Variants in TAOK3 observed in about 807,000 individuals in gnomAD.
The protein encoded by TAOK3 is TAO kinase 3, also known as serine/threonine-protein kinase TAO3.
TAOK3 carries 40 observed loss-of-function variants against 120.4 expected under a neutral mutation model. The ratio of observed to expected loss-of-function variants is 0.33; its 90% CI spans 0.26 to 0.43. The LOEUF is 0.43. TAOK3 is among the 20% of genes least tolerant of loss of function. The pLI, the probability that TAOK3 is intolerant of heterozygous loss-of-function variation, is 1.00. For synonymous variants in TAOK3, 355 were observed against 387.5 expected (o/e 0.92, Z 0.99); for missense variants, 821 against 1,112.1 (o/e 0.74, Z 3.72).
At chr12:118,317,231 A>G (rs1271112218) in intron 1 of TAOK3, among the ~76,000 whole-genome samples, 2 of 130,712 alleles carry the variant, frequency 1.5e-5, no homozygotes, top group East Asian at 5.2e-4. Flanking sequence ...GTGCCACTAC[A>G]CTCTGGCCTG....
At chr12:118,281,801 C>T (rs1468340343) in intron 1 of TAOK3, among the ~76,000 whole-genome samples, 1 of 151,548 alleles carries the variant, frequency 6.6e-6, no homozygotes, top group Non-Finnish European at 1.5e-5. Context: ...AAATTTGTCA[C>T]GTAGTAATAT....
intron 1 of TAOK3, among the ~76,000 whole-genome samples, chr12:118,308,407 T>TA (rs930565000): frequency 5.3e-5 from 8 of 150,330 alleles, no homozygotes; most frequent in African/African-American, 1.2e-4. Context: ...TGCTTTCACT[T>TA]AAAAAAAAAA....
intron 3 of TAOK3, among the ~76,000 whole-genome samples, chr12:118,248,452 C>CATA (rs1353443228): frequency 2.6e-5 from 4 of 151,884 alleles, no homozygotes; most frequent in Non-Finnish European, 5.9e-5. Context: ...ATATGGCAAT[C>CATA]ATAAATAAAA....
chr12:118,202,405 T>C (rs376544539), intron 11 of TAOK3, among the ~76,000 whole-genome samples: 1 of 152,136 alleles, frequency 6.6e-6, no homozygotes, highest in East Asian at 1.9e-4. Context: ...TTGGAACAAA[T>C]TAACATTTTG....
intron 19 of TAOK3, among the ~76,000 whole-genome samples, chr12:118,155,074 C>T (rs2034724289): frequency 6.6e-6 from 1 of 152,094 alleles, no homozygotes; most frequent in South Asian, 2.1e-4. Flanking sequence ...CAGCTCACTG[C>T]AACCTCCGAC....
chr12:118,309,133 AG>A (rs2043168789), intron 1 of TAOK3, among the ~76,000 whole-genome samples: 1 of 151,892 alleles, frequency 6.6e-6, no homozygotes, highest in Non-Finnish European at 1.5e-5. Flanking sequence ...GTTCGAGACC[AG>A]CCTGGCCAAC....
At chr12:118,289,296 C>CAAAAAAAAAAAAAAAA (rs59297201) in intron 1 of TAOK3, among the ~76,000 whole-genome samples, 2 of 78,720 alleles carry the variant, frequency 2.5e-5, no homozygotes, top group African/African-American at 4.9e-5. Context: ...AAGACTGTCT[C>CAAAAAAAAAAAAAAAA]AAAAAAAAAA....
At chr12:118,294,332 C>T (rs2042593647) in intron 1 of TAOK3, among the ~76,000 whole-genome samples, 1 of 152,134 alleles carries the variant, frequency 6.6e-6, no homozygotes, top group East Asian at 1.9e-4. Context: ...AAACACTGAT[C>T]CACTCTCTTT....
intron 1 of TAOK3, among the ~76,000 whole-genome samples, chr12:118,350,869 A>G (rs2045114067): frequency 6.7e-6 from 1 of 148,794 alleles, no homozygotes; most frequent in Non-Finnish European, 1.5e-5. Context: ...TCAAAAAAAA[A>G]AAAAAGAAAA....
intron 14 of TAOK3, among the ~76,000 whole-genome samples, chr12:118,183,072 T>C (rs1229433799): frequency 6.6e-6 from 1 of 152,156 alleles, no homozygotes; most frequent in African/African-American, 2.4e-5. Flanking sequence ...ATTGTAACTT[T>C]AGTCTTGTTC....
At chr12:118,203,572 C>T (rs979571660) in intron 11 of TAOK3, among the ~76,000 whole-genome samples, 10 of 151,764 alleles carry the variant, frequency 6.6e-5, no homozygotes, top group African/African-American at 1.7e-4. Flanking sequence ...GGCATGGTGA[C>T]GTGCATCTGT....
chr12:118,318,936 A>G (rs1035381699), intron 1 of TAOK3, among the ~76,000 whole-genome samples: 3 of 152,240 alleles, frequency 2.0e-5, no homozygotes, highest in African/African-American at 7.2e-5. Context: ...ATGGATGAAC[A>G]TAGAGAACAT....
intron 1 of TAOK3, among the ~76,000 whole-genome samples, chr12:118,273,304 C>T (rs2041785218): frequency 6.6e-6 from 1 of 151,126 alleles, no homozygotes; most frequent in Non-Finnish European, 1.5e-5. Flanking sequence ...AGATCCAGAC[C>T]ATCCTCGCTA....
chr12:118,371,095 A>T lies in TAOK3; in HGVS notation c.-194+1553T>A, dbSNP rs1262452925. On this transcript the variant is annotated intron_variant, in intron 1 of 20. Transcript: ENST00000392533. This position sits in a 1 kb window ranked among gnomAD's most constrained non-coding sequence, Gnocchi z 5.5. Reference sequence around the variant, plus strand: ...GTTCCTTTAAATCTGCATTGTAAACATTGATACTGATATGCTGCCAAATCT... The same window carrying T: ...GTTCCTTTAAATCTGCATTGTAAACTTTGATACTGATATGCTGCCAAATCT... Among the ~76,000 whole-genome samples, 1 of 152,248 alleles carries T rather than the reference A, an allele frequency of 6.6e-6. No homozygotes were observed. The highest frequency in any genetic ancestry group is 1.5e-5 in the Non-Finnish European group (1 of 68,044).
At chr12:118,156,133 C>T (rs945222866) in intron 19 of TAOK3, among the ~76,000 whole-genome samples, 6 of 152,158 alleles carry the variant, frequency 3.9e-5, no homozygotes, top group African/African-American at 1.2e-4. Context: ...CTATCAACCT[C>T]CATGTGTCTA....
At chr12:118,221,410 G>A (rs976299574) in intron 9 of TAOK3, among the ~76,000 whole-genome samples, 8 of 151,946 alleles carry the variant, frequency 5.3e-5, no homozygotes, top group Admixed American at 4.6e-4. Context: ...TTTTAGTAGA[G>A]ATAGGGTTTC....
chr12:118,196,004 C>G (rs1236242587), intron 13 of TAOK3, among the ~76,000 whole-genome samples: 1 of 151,690 alleles, frequency 6.6e-6, no homozygotes, highest in African/African-American at 2.4e-5. Flanking sequence ...GAACTGAGAT[C>G]GCGCCACTGC....
At chr12:118,279,315 T>C (rs2042010455) in intron 1 of TAOK3, among the ~76,000 whole-genome samples, 2 of 152,210 alleles carry the variant, frequency 1.3e-5, no homozygotes, top group Admixed American at 6.5e-5. Flanking sequence ...ATTCTGGATA[T>C]TATTAATAGA....
chr12:118,345,569 T>G (rs2044820537), intron 1 of TAOK3, among the ~76,000 whole-genome samples: 1 of 152,038 alleles, frequency 6.6e-6, no homozygotes. Flanking sequence ...CCCTGGCTGC[T>G]CAAAAGAAAT....
Sources: allele counts gnomAD v4.1 joint callset (sites outside exome capture counted in the v4.1 genomes callset), GRCh38; gene constraint gnomAD v4.1.1; non-coding constraint Gnocchi (gnomAD v3.1); transcripts MANE v1.5; gene names NCBI Gene and HGNC (gene_info 2026-07-23, HGNC 2026-07-21).